MYO5B: variants seen among roughly 807,000 people sequenced by gnomAD.
The protein encoded by MYO5B is unconventional myosin-Vb.
A neutral mutation model predicts 229.3 loss-of-function variants in MYO5B; 143 were observed. The ratio of observed to expected loss-of-function variants is 0.62; its 90% confidence interval spans 0.54 to 0.72. The LOEUF is 0.72. MYO5B is among the 30% of genes least tolerant of loss of function. MYO5B has a pLI of 0.00. For missense variants in MYO5B, 2,321 were observed against 2,331.0 expected (o/e 1.00, Z 0.09); for synonymous variants, 918 against 885.2 (o/e 1.04, Z -0.66).
intron 4 of MYO5B, among the ~76,000 whole-genome samples, chr18:50,021,840 C>T (rs999580805): frequency 2.0e-5 from 3 of 151,992 alleles, no homozygotes; most frequent in African/African-American, 4.8e-5. Context: ...CCTTCTGTAC[C>T]AGATCTATGT....
chr18:50,116,269 G>A (rs544149296), intron 1 of MYO5B, among the ~76,000 whole-genome samples: 17 of 152,202 alleles, frequency 1.1e-4, no homozygotes, highest in East Asian at 5.8e-4. Flanking sequence ...CAGTATAGGC[G>A]GAGTACTTGA....
chr18:50,132,519 C>T (rs552057853), intron 1 of MYO5B, among the ~76,000 whole-genome samples: 22 of 152,230 alleles, frequency 1.4e-4, no homozygotes, highest in African/African-American at 4.6e-4. Flanking sequence ...CTTTCTAGGC[C>T]GACAAGTCCA....
chr18:49,926,140 C>G (rs187934847), intron 17 of MYO5B, among the ~76,000 whole-genome samples: 3 of 152,254 alleles, frequency 2.0e-5, no homozygotes, highest in Non-Finnish European at 4.4e-5. Flanking sequence ...CTAGCTAGAG[C>G]AGTTCATCCT....
chr18:50,126,800 C>A (rs575721435), intron 1 of MYO5B, among the ~76,000 whole-genome samples: 6 of 152,214 alleles, frequency 3.9e-5, no homozygotes, highest in Non-Finnish European at 8.8e-5. Flanking sequence ...TGAAGCCAGA[C>A]TTCCTGGGCT....
intron 1 of MYO5B, among the ~76,000 whole-genome samples, chr18:50,116,717 G>C (rs1366851806): frequency 6.6e-6 from 1 of 151,608 alleles, no homozygotes; most frequent in Non-Finnish European, 1.5e-5. Context: ...GGGGGAACTC[G>C]TCAGAAATGT....
intron 39 of MYO5B, among the ~76,000 whole-genome samples, chr18:49,830,675 C>T: frequency 6.6e-6 from 1 of 152,002 alleles, no homozygotes; most frequent in East Asian, 1.9e-4. Flanking sequence ...TGGTGAAGCC[C>T]CTTCCCTACT....
At chr18:50,157,091 T>G (rs1208410549) in intron 1 of MYO5B, among the ~76,000 whole-genome samples, 1 of 56,886 alleles carries the variant, frequency 1.8e-5, no homozygotes, top group Non-Finnish European at 4.1e-5. Context: ...TTTTGTTTTG[T>G]TTTTTTTTTT....
At chr18:49,958,438 C>T (rs1360835963) in intron 12 of MYO5B, among the ~76,000 whole-genome samples, 1 of 152,236 alleles carries the variant, frequency 6.6e-6, no homozygotes, top group Non-Finnish European at 1.5e-5. Flanking sequence ...GATGCCTCGT[C>T]TCTTCCTTCA....
chr18:49,947,544 G>C (rs1047221296), intron 14 of MYO5B, among the ~76,000 whole-genome samples: 1 of 152,122 alleles, frequency 6.6e-6, no homozygotes, highest in Non-Finnish European at 1.5e-5. Flanking sequence ...GACATATATA[G>C]TGTATAGTAA....
chr18:49,851,331 C>G (rs2024198293), intron 31 of MYO5B, among the ~76,000 whole-genome samples: 1 of 152,150 alleles, frequency 6.6e-6, no homozygotes, highest in African/African-American at 2.4e-5. Context: ...GGGTGTCTAA[C>G]CCCCAACCCC....
At chr18:49,974,156 T>C (rs1304888412) in intron 10 of MYO5B, among the ~76,000 whole-genome samples, 194 bp downstream of exon 10, 1 of 152,172 alleles carries the variant, frequency 6.6e-6, no homozygotes, top group Non-Finnish European at 1.5e-5. Context: ...TCCCTTACAT[T>C]ATAGACCACT....
chr18:50,055,712 T>C (rs1022637592), intron 1 of MYO5B, among the ~76,000 whole-genome samples: 12 of 152,158 alleles, frequency 7.9e-5, no homozygotes, highest in Admixed American at 2.6e-4. Flanking sequence ...AATAGCAATG[T>C]CAGAGGGAGT....
At chr18:49,972,480 G>A (rs1306803605) in intron 10 of MYO5B, among the ~76,000 whole-genome samples, 2 of 152,176 alleles carry the variant, frequency 1.3e-5, no homozygotes, top group African/African-American at 2.4e-5. Flanking sequence ...ATTTTATGTA[G>A]CAGTAGTAAG....
At chr18:50,117,771 A>C (rs2031989138) in intron 1 of MYO5B, among the ~76,000 whole-genome samples, 1 of 152,144 alleles carries the variant, frequency 6.6e-6, no homozygotes, top group African/African-American at 2.4e-5. Context: ...TTTGTTGCTA[A>C]AAACATCCCT....
rs747860717 is a variant in MYO5B at position 49,937,205 on chromosome 18, C to G, written c.1905+40G>C. On this transcript the variant is annotated intron_variant, in intron 15 of 39. Transcript: ENST00000285039. ...TTCATCTACAGAGAGGCCAGCCCTG[C>G]ACATGCACCTCAGCCCATAGCTTTT... 6 of 1,612,392 alleles carry G rather than the reference C, an allele frequency of 3.7e-6. 1 individual carries two copies. The highest frequency in any genetic ancestry group is 3.3e-4 in the Middle Eastern group (2 of 5,994).
intron 1 of MYO5B, among the ~76,000 whole-genome samples, chr18:50,180,384 C>T (rs1046030950): frequency 6.6e-6 from 1 of 152,182 alleles, no homozygotes; most frequent in African/African-American, 2.4e-5. Context: ...TCCTGGTTTA[C>T]AGATAACTGA....
At chr18:50,119,089 A>T (rs946756290) in intron 1 of MYO5B, among the ~76,000 whole-genome samples, 9 of 152,200 alleles carry the variant, frequency 5.9e-5, no homozygotes, top group Non-Finnish European at 1.2e-4. Context: ...CATGTATAAG[A>T]ATCACCCAGA....
intron 1 of MYO5B, among the ~76,000 whole-genome samples, chr18:50,093,203 CACAG>C (rs1329269439): frequency 2.1e-4 from 19 of 92,030 alleles, no homozygotes; most frequent in Admixed American, 7.5e-4. Flanking sequence ...CACACACACA[CACAG>C]ACACACACAC....
At chr18:50,100,843 G>A (rs941225362) in intron 1 of MYO5B, among the ~76,000 whole-genome samples, 2 of 152,222 alleles carry the variant, frequency 1.3e-5, no homozygotes, top group African/African-American at 4.8e-5. Context: ...GGAAGTGGCT[G>A]AGGGAGAGCT....
Sources: gnomAD v4.1 joint callset for allele counts (sites outside exome capture counted in the v4.1 genomes callset) on GRCh38, gnomAD v4.1.1 for gene constraint, MANE v1.5 for transcripts, NCBI Gene and HGNC (gene_info 2026-07-23, HGNC 2026-07-21) for gene names.